Variants in SALL1 observed in about 807,000 individuals in gnomAD.
The protein encoded by SALL1 is spalt like transcription factor 1.
Under a neutral mutation model 73.1 loss-of-function variants are expected in SALL1, and 10 were observed. That is an observed-to-expected ratio of 0.14 (90% confidence interval 0.08 to 0.23). The LOEUF (loss-of-function observed/expected upper bound fraction) is 0.23. Among genes scored for constraint, SALL1 ranks in the 10% least tolerant of loss-of-function variants. The pLI is 1.00. For synonymous variants in SALL1, 688 were observed against 689.8 expected, an observed-to-expected ratio of 1.00 and a Z score of 0.04; for missense variants, 1,520 against 1,697.3, an observed-to-expected ratio of 0.90 and a Z score of 1.84.
chr16:51,137,028 G>A lies in SALL1; in HGVS notation c.*84C>T. On this transcript the variant is annotated 3_prime_UTR_variant, in exon 3 of 3. Coordinates refer to ENST00000251020, the MANE Select transcript of SALL1 (RefSeq NM_002968.3). The stretch of plus-strand genomic sequence containing the variant: ...CTGGGGAACAGAAGGAAGGGGCGGG[G>A]CGGGGTGGGGGGCAAGGAGTAGGAG... The A allele has an allele frequency of 8.2e-7, 1 of 1,225,444 alleles. No homozygotes were observed. Among genetic ancestry groups the A allele is most frequent in the South Asian group, 1.3e-5 (1 of 78,310 alleles). The allele number at this position is 1,225,444 out of a possible 1,614,324, so 75.9% of individuals were successfully genotyped here. A position where few individuals can be genotyped will look rare whatever the true frequency, so the allele number is the denominator to read the frequency against.
In SALL1 at chr16:51,137,105, A is replaced by T. The variant is rs1962313569; in HGVS notation, c.*7T>A. The stretch of plus-strand genomic sequence containing the variant: ...GAATGAATGCTATGTCTCCAGCCCG[A>T]GCTGCTTTAACTCGTGACGATCTCC... On this transcript the variant is annotated 3_prime_UTR_variant, in exon 3 of 3. Coordinates refer to ENST00000251020, the MANE Select transcript of SALL1 (RefSeq NM_002968.3). 6.2e-7 allele frequency: 1 copy of T among 1,614,040 alleles called. No homozygotes were observed. Among genetic ancestry groups the T allele is most frequent in the Non-Finnish European group, 8.5e-7 (1 of 1,179,998 alleles).
chr16:51,141,974 T>C lies in SALL1; in HGVS notation c.248A>G (p.Glu83Gly), dbSNP rs1296690078. ...IVNENPASPP[E>G]TFSPSPPPDN... ...AGGAGGGGGGCTGGGGGAGAAGGTT[T>C]CGGGTGGGGAGGCTGGATTTTCATT... Residue 83 changes from glutamate (E) to glycine (G), a missense_variant, in exon 2 of 3, where the codon GAA (glutamate) becomes GGA (glycine). By Grantham distance (98) the Glu-to-Gly change is moderately conservative (BLOSUM62 -2). Coordinates refer to ENST00000251020, the MANE Select transcript of SALL1 (RefSeq NM_002968.3). This position sits in a 1 kb window ranked among gnomAD's most constrained non-coding sequence, Gnocchi z 5.4. 5 of 1,613,906 alleles carry C rather than the reference T, an allele frequency of 3.1e-6. No individual in the cohort carries two copies. The highest frequency in any genetic ancestry group is 3.4e-6 in the Non-Finnish European group (4 of 1,179,966).
At position 51,141,014 on chromosome 16, in the gene SALL1, G is replaced by C; in HGVS notation, c.1208C>G (p.Pro403Arg). The change falls in exon 2 of 3, where the codon CCC becomes CGC. Residue 403 changes from proline (P) to arginine (R), a missense_variant. Coordinates refer to ENST00000251020, the MANE Select transcript of SALL1 (RefSeq NM_002968.3). The surrounding 1 kb of genome is among the most constrained non-coding windows in gnomAD (Gnocchi z 5.4). ...TGTTCCGATGTTGGGCAAAGGGCTG[G>C]GGAAAACCGAGTTAGCGGAGGCTTG... is the stretch of plus-strand genomic sequence containing the variant. Reference protein sequence around the residue: ...PQQASANSVFPSPLPNIGTTA... With the variant: ...PQQASANSVFRSPLPNIGTTA... The C allele has an allele frequency of 6.2e-7, 1 of 1,614,206 alleles. No homozygotes were observed. Among genetic ancestry groups the C allele is most frequent in the South Asian group, 1.1e-5 (1 of 91,084 alleles).
chr16:51,137,009 A>C lies in SALL1; in HGVS notation c.*103T>G, dbSNP rs185665799. The stretch of plus-strand genomic sequence containing the variant: ...AATGTTGTAGTTCATAGATCTGGGG[A>C]ACAGAAGGAAGGGGCGGGGCGGGGT... On this transcript the variant is annotated 3_prime_UTR_variant, in exon 3 of 3. Transcript: ENST00000251020. 1.1e-6 allele frequency: 1 copy of C among 936,246 alleles called. No homozygotes were observed. Among genetic ancestry groups the C allele is most frequent in the Admixed American group, 2.0e-5 (1 of 50,446 alleles). 58.0% of individuals were successfully genotyped at this position (936,246 alleles called of 1,614,324 possible). A position where few individuals can be genotyped will look rare whatever the true frequency, so the allele number is the denominator to read the frequency against.
intron 1 of SALL1, among the ~76,000 whole-genome samples, chr16:51,145,979 C>CTTTT (rs372735955): frequency 7.8e-6 from 1 of 128,900 alleles, no homozygotes; most frequent in Non-Finnish European, 1.7e-5. Flanking sequence ...ATTGATTGGT[C>CTTTT]TTTTTTTTTT....
In SALL1 at chr16:51,138,821, T is replaced by G. The variant is rs1255167313; in HGVS notation, c.3401A>C (p.His1134Pro). 17 of 1,614,080 alleles carry G rather than the reference T, an allele frequency of 1.1e-5. No homozygotes were observed. The highest frequency in any genetic ancestry group is 1.4e-5 in the Non-Finnish European group (16 of 1,180,032). Residue 1134 changes from histidine (H) to proline (P), a missense_variant, in exon 2 of 3, where the codon CAC becomes CCC. Coordinates refer to ENST00000251020, the MANE Select transcript of SALL1 (RefSeq NM_002968.3). ...GGTTTTGCCACATGTGTTGCAGTAG[T>G]GCTGCTTGGGAGTTCTCCTGGGCAG... is the stretch of plus-strand genomic sequence containing the variant. ...PALPRRTPKQ[H>P]YCNTCGKTFS...
rs745605079 is a variant in SALL1, at chr16:51,139,318, C to T, written c.2904G>A (p.Gly968=). ...CGTGACTAGATGTCAAATCCAAAGC[C>T]CCACCATTCACTGGGGTGGGAGACA... ...NGLSPTPVNG[G]ALDLTSSHAE... Residue 968 remains glycine, a synonymous_variant, in exon 2 of 3, where the codon GGG becomes GGA. Coordinates refer to ENST00000251020, the MANE Select transcript of SALL1 (RefSeq NM_002968.3). 6 of 1,613,984 alleles carry T rather than the reference C, an allele frequency of 3.7e-6. No individual in the cohort carries two copies. Among genetic ancestry groups the T allele is most frequent in the Admixed American group, 1.7e-5 (1 of 60,000 alleles).
At chr16:51,151,316 CGGCGGCGGCGGCGGCGG>C, upstream of SALL1, 2 of 913,702 alleles carry the variant, frequency 2.2e-6, no homozygotes, top group Non-Finnish European at 1.5e-6. Context: ...GGAAATCGAG[CGGCGGCGGCGGCGGCGG>C]CTCCCCCCGC....
rs140241532 is a variant in SALL1 at position 51,139,417 on chromosome 16, C to A, written c.2805G>T (p.Thr935=). 6.2e-7 allele frequency: 1 copy of A among 1,614,086 alleles called. No individual in the cohort carries two copies. Among genetic ancestry groups the A allele is most frequent in the East Asian group, 2.2e-5 (1 of 44,880 alleles). The stretch of plus-strand genomic sequence containing the variant: ...TGCTGGGTGACTTGTGGAACTCCTG[C>A]GTGCTGTTGGACGGGGACAGAGCCT... ...SMQALSPSNS[T]QEFHKSPSIE... Residue 935 remains threonine, a synonymous_variant, in exon 2 of 3, where the codon ACG becomes ACT. Transcript: ENST00000251020.
rs1461293723 is a variant in SALL1 at position 51,137,089 on chromosome 16, CTA to C, written c.*21_*22del. Reference sequence around the variant, plus strand: ...GTCGCATTCTGAACAGGAATGAATGCTATGTCTCCAGCCCGAGCTGCTTTAAC... The same window carrying C: ...GTCGCATTCTGAACAGGAATGAATGCTGTCTCCAGCCCGAGCTGCTTTAAC... On this transcript the variant is annotated 3_prime_UTR_variant, in exon 3 of 3. Transcript: ENST00000251020. The C allele has an allele frequency of 1.2e-6, 2 of 1,613,296 alleles. No individual in the cohort carries two copies. Among genetic ancestry groups the C allele is most frequent in the Non-Finnish European group, 1.7e-6 (2 of 1,179,440 alleles).
chr16:51,144,875 T>C (rs894294851), intron 1 of SALL1, among the ~76,000 whole-genome samples: 1 of 152,144 alleles, frequency 6.6e-6, no homozygotes, highest in Non-Finnish European at 1.5e-5. Context: ...AAGTTGTCCA[T>C]ATTTTAGCTT....
At position 51,137,238 on chromosome 16, in the gene SALL1, C is replaced by T; in HGVS notation, c.3849G>A (p.Glu1283=). ...SPVSGLTGNL[E]RLQNSEPNAP... Reference sequence around the variant, plus strand: ...CATTGGGCTCTGAGTTCTGGAGCCTCTCCAGGTTTCCCGTCAGCCCACTAA... The same window carrying T: ...CATTGGGCTCTGAGTTCTGGAGCCTTTCCAGGTTTCCCGTCAGCCCACTAA... Residue 1283 remains glutamate (E), a synonymous_variant, in exon 3 of 3, where the codon GAG becomes GAA. Coordinates refer to ENST00000251020, the MANE Select transcript of SALL1 (RefSeq NM_002968.3). 6.2e-7 allele frequency: 1 copy of T among 1,614,138 alleles called. No individual in the cohort carries two copies. Among genetic ancestry groups the T allele is most frequent in the Non-Finnish European group, 8.5e-7 (1 of 1,180,018 alleles).
rs758994757 is a variant in SALL1, at chr16:51,138,853, G to A, written c.3369C>T (p.Leu1123=). The part of the protein sequence containing the change: ...LSSSATSPVL[L]PALPRRTPKQ... ...TGGGAGTTCTCCTGGGCAGAGCAGG[G>A]AGCAGAACTGGGGATGTGGCAGAGG... is the stretch of plus-strand genomic sequence containing the variant. Residue 1123 remains leucine, a synonymous_variant, in exon 2 of 3, where the codon CTC becomes CTT. Transcript: ENST00000251020. The A allele has an allele frequency of 3.1e-6, 5 of 1,614,108 alleles. No individual in the cohort carries two copies. The highest frequency in any genetic ancestry group is 1.7e-5 in the Admixed American group (1 of 60,006).
At chr16:51,146,384 AG>A (rs776885639) in intron 1 of SALL1, among the ~76,000 whole-genome samples, 1 of 152,180 alleles carries the variant, frequency 6.6e-6, no homozygotes, top group Non-Finnish European at 1.5e-5. Context: ...TCCAGTTGCA[AG>A]GGTTTGTTCA....
Position 51,137,293 on chromosome 16 carries a change from C to T in SALL1, c.3794G>A (p.Gly1265Glu), listed in dbSNP as rs149302006. Residue 1265 changes from glycine to glutamate, a missense_variant, in exon 3 of 3, where the codon GGA (glycine) becomes GAA (glutamate). This residue lies in a region of SALL1 where 318 missense variants were observed against 357.1 expected (regional missense o/e 0.89). Transcript: ENST00000251020. ...TGAGCTGTTCCCACTGCCGAGGCTT[C>T]CAGGAATTGGAGGGATGCCACCGTT... Reference protein sequence around the residue: ...IQNGGIPPIPGSLGSGNSSPV... With the variant: ...IQNGGIPPIPESLGSGNSSPV... 1.5e-3 allele frequency: 2,423 copies of T among 1,614,066 alleles called. 4 individuals carry two copies. Among genetic ancestry groups the T allele is most frequent in the Middle Eastern group, 5.3e-3 (32 of 6,062 alleles).
chr16:51,140,614 C>T lies in SALL1; in HGVS notation c.1608G>A (p.Lys536=). ...IPYGMSIPPE[K]PVTSWLDTKP... is the part of the protein sequence containing the mutation. ...TGGTGTCTAGCCAGCTGGTGACTGG[C>T]TTCTCTGGAGGGATGGACATGCCAT... Residue 536 remains lysine (K), a synonymous_variant, in exon 2 of 3, where the codon AAG becomes AAA. Transcript: ENST00000251020. This position sits in a 1 kb window ranked among gnomAD's most constrained non-coding sequence, Gnocchi z 5.7. 1.2e-6 allele frequency: 2 copies of T among 1,614,042 alleles called. No individual in the cohort carries two copies. Among genetic ancestry groups the T allele is most frequent in the South Asian group, 2.2e-5 (2 of 91,060 alleles).
At position 51,138,805 on chromosome 16, in the gene SALL1, A is replaced by G. The variant is rs781049478; in HGVS notation, c.3417T>C (p.Cys1139=). The change falls in exon 2 of 3, where the codon TGT becomes TGC. Residue 1139 remains cysteine, a synonymous_variant. Transcript: ENST00000251020. ...RTPKQHYCNT[C]GKTFSSSSAL... The stretch of plus-strand genomic sequence containing the variant: ...CACTCGATGAGGAGAAGGTTTTGCC[A>G]CATGTGTTGCAGTAGTGCTGCTTGG... The G allele has an allele frequency of 4.3e-6, 7 of 1,614,116 alleles. No homozygotes were observed. The South Asian group carries it at 6.6e-5, about 15-fold the overall frequency.
chr16:51,142,862 A>C (rs570841568), intron 1 of SALL1, among the ~76,000 whole-genome samples: 1 of 152,190 alleles, frequency 6.6e-6, no homozygotes, highest in African/African-American at 2.4e-5. Flanking sequence ...TGGCACCTAT[A>C]TATCACCCCA....
chr16:51,140,412 T>A lies in SALL1; in HGVS notation c.1810A>T (p.Asn604Tyr), dbSNP rs745605165. The change falls in exon 2 of 3, where the codon AAC becomes TAC. Residue 604 changes from asparagine to tyrosine, a missense_variant. Asn to Tyr is a moderately radical substitution (Grantham distance 143, BLOSUM62 -2). Around this residue, in one of 7 missense-constraint regions of SALL1, gnomAD observed 276 missense variants for 259.1 expected, o/e 1.07. Coordinates refer to ENST00000251020, the MANE Select transcript of SALL1 (RefSeq NM_002968.3). This position sits in a 1 kb window ranked among gnomAD's most constrained non-coding sequence, Gnocchi z 5.7. The stretch of plus-strand genomic sequence containing the variant: ...GCTTCCTCTGGGAGCCCACCTAGGT[T>A]TCTTGTGGCTGACTCAGGGCCCCCG... ...DSGGPESATRNLGGLPEEAEG... is the reference protein window; with the variant it reads ...DSGGPESATRYLGGLPEEAEG... 6.2e-7 allele frequency: 1 copy of A among 1,613,904 alleles called. No homozygotes were observed. Among genetic ancestry groups the A allele is most frequent in the Non-Finnish European group, 8.5e-7 (1 of 1,179,938 alleles).
Sources: gnomAD v4.1 joint callset for allele counts (sites outside exome capture counted in the v4.1 genomes callset) on GRCh38, gnomAD v4.1.1 for gene constraint, gnomAD v4.1.1 regional missense constraint, Gnocchi (gnomAD v3.1) non-coding constraint, MANE v1.5 for transcripts, NCBI Gene and HGNC (gene_info 2026-07-23, HGNC 2026-07-21) for gene names.